The following CELF2 variants were observed in gnomAD, a reference collection of about 807,000 sequenced individuals.
CELF2 encodes CUGBP Elav-like family member 2, also known as CUG triplet repeat RNA-binding protein 2.
CELF2 carries 8 observed loss-of-function variants against 62.6 expected under a neutral mutation model. That is an observed-to-expected ratio of 0.13 (90% CI 0.07 to 0.23). The LOEUF is 0.23. Ranked by LOEUF, CELF2 falls within the 10% of genes least tolerant of loss-of-function variation. The probability of loss-of-function intolerance (pLI) is 1.00; values close to 1 mark genes in which losing one functional copy is unlikely to be tolerated. For synonymous variants in CELF2, 258 were observed against 250.0 expected (o/e 1.03, Z -0.30); for missense variants, 333 against 671.0 (o/e 0.50, Z 5.56).
chr10:10,565,573 G>A, the CELF2 span, among the ~76,000 whole-genome samples: 4 of 152,212 alleles, frequency 2.6e-5, no homozygotes, highest in African/African-American at 9.6e-5. Flanking sequence ...CCTGGCTCTA[G>A]AGGGTCCAAA....
At chr10:10,543,337 C>T in the CELF2 span, among the ~76,000 whole-genome samples, 1 of 152,176 alleles carries the variant, frequency 6.6e-6, no homozygotes, top group Non-Finnish European at 1.5e-5. Context: ...TCTCAAAATT[C>T]CCTCCTAAGT....
chr10:11,208,584 C>T (rs938333749), intron 2 of CELF2, among the ~76,000 whole-genome samples: 2 of 152,220 alleles, frequency 1.3e-5, no homozygotes, highest in Non-Finnish European at 2.9e-5. Context: ...TGGGAAGGAC[C>T]TTCCCTGGAA....
intron 2 of CELF2, chr10:10,920,024 C>T (rs1236013797): frequency 5.7e-6 from 7 of 1,227,236 alleles, no homozygotes; most frequent in Non-Finnish European, 7.1e-6. Flanking sequence ...TTTGCTTATT[C>T]TATGCCCGAT....
rs774984081 is a variant in CELF2 at position 11,332,522 on chromosome 10, C to T, written c.*3469C>T. 5 of 152,204 alleles carry T rather than the reference C, an allele frequency of 3.3e-5. No homozygotes were observed. The highest frequency in any genetic ancestry group is 7.3e-5 in the Non-Finnish European group (5 of 68,030). 9.4% of individuals were successfully genotyped at this position (152,204 alleles called of 1,614,324 possible). A position where few individuals can be genotyped will look rare whatever the true frequency, so the allele number is the denominator to read the frequency against. ...AATACCTAGCACCAGTTCCTGCTGCCACTTTTTAAAGTGCCATATGACTTT... is the reference window on the plus strand; with the variant it reads ...AATACCTAGCACCAGTTCCTGCTGCTACTTTTTAAAGTGCCATATGACTTT... On this transcript the variant is annotated 3_prime_UTR_variant, in exon 13 of 13. Transcript: ENST00000633077.
At chr10:10,842,489 T>C (rs2058748178) in intron 1 of CELF2, among the ~76,000 whole-genome samples, 1 of 152,088 alleles carries the variant, frequency 6.6e-6, no homozygotes, top group East Asian at 1.9e-4. Context: ...TGAGAGTTTT[T>C]TTTCTTATGA....
At chr10:10,583,892 A>G in the CELF2 span, among the ~76,000 whole-genome samples, 14 of 152,170 alleles carry the variant, frequency 9.2e-5, no homozygotes, top group Non-Finnish European at 2.1e-4. Context: ...TTTTGTCTCC[A>G]TCACTGTTCC....
At position 11,285,464 on chromosome 10, in the gene CELF2, GA is replaced by G. The variant is rs1325727325; in HGVS notation, c.842-2951del. On this transcript the variant is annotated intron_variant, in intron 8 of 12. Transcript: ENST00000633077. This position sits in a 1 kb window ranked among gnomAD's most constrained non-coding sequence, Gnocchi z 4.3. ...GTTGGATGGTAAAGTGTGTGGAGGA[GA>G]AATGAAGAGGAGGACACCCAGGCCC... Among the ~76,000 whole-genome samples the G allele has an allele frequency of 6.6e-6, 1 of 152,204 alleles. No individual in the cohort carries two copies. The highest frequency in any genetic ancestry group is 1.5e-5 in the Non-Finnish European group (1 of 68,034).
At chr10:10,660,662 T>A in the CELF2 span, among the ~76,000 whole-genome samples, 1 of 152,176 alleles carries the variant, frequency 6.6e-6, no homozygotes, top group Non-Finnish European at 1.5e-5. Flanking sequence ...TTCCCTAGCC[T>A]CTAATTCAGT....
intron 1 of CELF2, among the ~76,000 whole-genome samples, chr10:11,160,443 A>G (rs1015114143): frequency 2.0e-5 from 3 of 152,076 alleles, no homozygotes; most frequent in African/African-American, 4.8e-5. Context: ...ATAAATCTCA[A>G]CTCTAATCAG....
At chr10:11,020,894 G>A (rs1007157066) in intron 1 of CELF2, among the ~76,000 whole-genome samples, 1 of 152,052 alleles carries the variant, frequency 6.6e-6, no homozygotes, top group Non-Finnish European at 1.5e-5. Context: ...TTAAACATTC[G>A]GTATCAAAAC....
intron 2 of CELF2, among the ~76,000 whole-genome samples, chr10:11,172,159 A>C (rs112220505): frequency 0.014 from 2,118 of 152,348 alleles, 51 homozygotes; most frequent in African/African-American, 0.048. Context: ...TTTCTGGGAC[A>C]GCCCCAGTTT....
intron 3 of CELF2, among the ~76,000 whole-genome samples, chr10:11,225,203 G>A (rs533191065): frequency 3.3e-5 from 5 of 152,278 alleles, no homozygotes; most frequent in East Asian, 1.9e-4. Context: ...TAAACGGTGC[G>A]TGTGGAGATC....
At chr10:10,896,776 G>A (rs1043892760) in intron 1 of CELF2, among the ~76,000 whole-genome samples, 1 of 152,170 alleles carries the variant, frequency 6.6e-6, no homozygotes, top group African/African-American at 2.4e-5. Flanking sequence ...TTCTAGAATT[G>A]TGCAGAATAA....
chr10:11,173,643 A>G (rs1232493192), intron 2 of CELF2, among the ~76,000 whole-genome samples: 2 of 152,228 alleles, frequency 1.3e-5, no homozygotes, highest in South Asian at 2.1e-4. Context: ...ATCCTTGGAC[A>G]TACAGCCCCA....
At position 11,246,340 on chromosome 10, in the gene CELF2, C is replaced by T. The variant is rs1252375009; in HGVS notation, c.355-2813C>T. 6.6e-6 allele frequency among the ~76,000 whole-genome samples: 1 copy of T among 152,098 alleles called. No homozygotes were observed. The highest frequency in any genetic ancestry group is 1.5e-5 in the Non-Finnish European group (1 of 68,016). On this transcript the variant is annotated intron_variant, in intron 3 of 12. Coordinates refer to ENST00000633077, the MANE Select transcript of CELF2 (RefSeq NM_001326342.2). The surrounding 1 kb of genome is among the most constrained non-coding windows in gnomAD (Gnocchi z 4.6). ...AGTGGACTCTTTTCAGCAGATGAAC[C>T]TGTATAAGTCTTTCCTGTCTTGAAA...
At chr10:11,152,398 G>T (rs970487322) in intron 1 of CELF2, among the ~76,000 whole-genome samples, 2 of 151,762 alleles carry the variant, frequency 1.3e-5, no homozygotes, top group Non-Finnish European at 2.9e-5. Context: ...AGGTTCTCAG[G>T]AAACAGTTGT....
At chr10:10,788,838 G>A in the CELF2 span, among the ~76,000 whole-genome samples, 8 of 152,088 alleles carry the variant, frequency 5.3e-5, no homozygotes, top group Non-Finnish European at 2.9e-5. Flanking sequence ...ACCTCAATGC[G>A]TTTTTGTCTG....
At chr10:10,920,123 C>T in intron 2 of CELF2, 1 of 595,530 alleles carries the variant, frequency 1.7e-6, no homozygotes, top group Non-Finnish European at 2.5e-6. Context: ...TTTGATACCT[C>T]ATACATCACC....
rs1292628252 is a variant in CELF2 at position 11,237,507 on chromosome 10, G to A, written c.355-11646G>A. 1.3e-5 allele frequency among the ~76,000 whole-genome samples: 2 copies of A among 152,228 alleles called. No homozygotes were observed. Among genetic ancestry groups the A allele is most frequent in the Non-Finnish European group, 2.9e-5 (2 of 68,046 alleles). On this transcript the variant is annotated intron_variant, in intron 3 of 12. Coordinates refer to ENST00000633077, the MANE Select transcript of CELF2 (RefSeq NM_001326342.2). The surrounding 1 kb of genome is among the most constrained non-coding windows in gnomAD (Gnocchi z 4.0). ...GAGTCGAGCCCTGCAAAGAGGCTCA[G>A]AAGATCCAGGTGAGGAGACTTGTTC...
Sources: allele counts gnomAD v4.1 joint callset (sites outside exome capture counted in the v4.1 genomes callset), GRCh38; gene constraint gnomAD v4.1.1; non-coding constraint Gnocchi (gnomAD v3.1); transcripts MANE v1.5; gene names NCBI Gene and HGNC (gene_info 2026-07-23, HGNC 2026-07-21).